The following GGACT variants were observed in gnomAD, a reference collection of about 807,000 sequenced individuals.
The protein encoded by GGACT is gamma-glutamylaminecyclotransferase.
For synonymous variants in GGACT, 118 were observed against 115.3 expected, an observed-to-expected ratio of 1.02 and a Z score of -0.15; for missense variants, 241 against 233.2, an observed-to-expected ratio of 1.03 and a Z score of -0.22.
In GGACT at chr13:100,531,010, G is replaced by T. The variant is rs1459221429; in HGVS notation, c.*1120C>A. On this transcript the variant is annotated 3_prime_UTR_variant, in exon 3 of 3. Transcript: ENST00000683975. ...AGCTAAAAATAATGATCATGTTTTT[G>T]TGCCAGATGCAGTTAGCGATCACAG... is the stretch of plus-strand genomic sequence containing the variant. 3 of 152,336 alleles carry T rather than the reference G, an allele frequency of 2.0e-5. No homozygotes were observed. In the East Asian group the frequency reaches 5.8e-4, roughly 29 times the overall value. 9.4% of individuals were successfully genotyped at this position (152,336 alleles called of 1,614,324 possible). A position where few individuals can be genotyped will look rare whatever the true frequency, so the allele number is the denominator to read the frequency against.
intron 2 of GGACT, among the ~76,000 whole-genome samples, chr13:100,575,048 G>A (rs572844993): frequency 6.6e-6 from 1 of 152,244 alleles, no homozygotes; most frequent in South Asian, 2.1e-4. Flanking sequence ...TATTAGAAAG[G>A]AAGGTCTGCC....
intron 2 of GGACT, chr13:100,535,670 CA>C (rs1006456126): frequency 1.3e-5 from 2 of 152,232 alleles, no homozygotes; most frequent in African/African-American, 4.8e-5. Flanking sequence ...GGGTCAGACC[CA>C]GATCTATTTC....
chr13:100,539,320 G>C (rs1439424101), intron 2 of GGACT: 2 of 152,388 alleles, frequency 1.3e-5, no homozygotes, highest in Non-Finnish European at 2.9e-5. Context: ...TGGCATCACT[G>C]AGTATCATGT....
At chr13:100,578,065 C>G (rs372207933) in intron 2 of GGACT, among the ~76,000 whole-genome samples, 1 of 152,134 alleles carries the variant, frequency 6.6e-6, no homozygotes, top group African/African-American at 2.4e-5. Flanking sequence ...TCTAAGAGAG[C>G]CCTGATCACA....
At chr13:100,563,007 T>G (rs139158629) in intron 2 of GGACT, among the ~76,000 whole-genome samples, 17 of 152,068 alleles carry the variant, frequency 1.1e-4, no homozygotes, top group African/African-American at 3.9e-4. Flanking sequence ...CAATCTTACT[T>G]ATATAAATCA....
In GGACT at chr13:100,545,930, G is replaced by T. The variant is rs1163175193; in HGVS notation, c.-10-13329C>A. On this transcript the variant is annotated intron_variant, in intron 2 of 2. Transcript: ENST00000683975. This position sits in a 1 kb window ranked among gnomAD's most constrained non-coding sequence, Gnocchi z 4.4. ...ACATACTCGGAAAATGACACAGAAA[G>T]CCAGGGCAACCTGCTGGGCCACCCA... 1.3e-5 allele frequency among the ~76,000 whole-genome samples: 2 copies of T among 152,328 alleles called. No individual in the cohort carries two copies. Among genetic ancestry groups the T allele is most frequent in the East Asian group, 1.9e-4 (1 of 5,174 alleles).
At position 100,559,258 on chromosome 13, in the gene GGACT, G is replaced by C. The variant is rs113005155; in HGVS notation, c.-11+24567C>G. ...GCTGGAGTGCAATGACACAATCTTG[G>C]CTCACTGCAACCTCCGCCTCCCTGG... On this transcript the variant is annotated intron_variant, in intron 2 of 2. Transcript: ENST00000683975. Among the ~76,000 whole-genome samples the C allele has an allele frequency of 5.1e-4, 77 of 152,290 alleles. 1 individual carries two copies. The highest frequency in any genetic ancestry group is 1.8e-3 in the African/African-American group (74 of 41,548).
At chr13:100,540,082 G>A (rs964275591) in intron 2 of GGACT, 7 of 1,462,118 alleles carry the variant, frequency 4.8e-6, no homozygotes, top group Admixed American at 3.3e-5. Context: ...GAAGACGCTC[G>A]CTTCAGAAAT....
intron 2 of GGACT, among the ~76,000 whole-genome samples, chr13:100,573,181 G>T (rs1189910930): frequency 6.6e-6 from 1 of 152,076 alleles, no homozygotes; most frequent in Admixed American, 6.6e-5. Flanking sequence ...ACTGGACTTA[G>T]CTCTCCACAA....
In GGACT at chr13:100,534,232, A is replaced by G. The variant is rs73566667; in HGVS notation, c.-10-1631T>C. ...ACAGTATTCCCCAGATTTCAGGCAC[A>G]TTGCACTAGGAAAGGTGTGGCCGTG... On this transcript the variant is annotated intron_variant, in intron 2 of 2. Transcript: ENST00000683975. This position sits in a 1 kb window ranked among gnomAD's most constrained non-coding sequence, Gnocchi z 4.9. Among the ~76,000 whole-genome samples, 2,692 of 152,270 alleles carry G rather than the reference A, an allele frequency of 0.018. 72 individuals carry two copies. The highest frequency in any genetic ancestry group is 0.062 in the African/African-American group (2,585 of 41,540).
intron 2 of GGACT, among the ~76,000 whole-genome samples, chr13:100,567,868 T>C (rs1369799509): frequency 1.3e-5 from 2 of 152,238 alleles, no homozygotes; most frequent in Non-Finnish European, 2.9e-5. Context: ...CAGTTATGTA[T>C]CTGACTGATC....
chr13:100,551,027 G>A (rs1184115720), intron 2 of GGACT, among the ~76,000 whole-genome samples: 1 of 152,194 alleles, frequency 6.6e-6, no homozygotes, highest in Non-Finnish European at 1.5e-5. Context: ...GCTCATGCCT[G>A]TAATTCCAGC....
intron 2 of GGACT, among the ~76,000 whole-genome samples, chr13:100,546,764 C>T (rs1291701255): frequency 2.0e-5 from 3 of 152,208 alleles, no homozygotes; most frequent in Non-Finnish European, 4.4e-5. Flanking sequence ...GGCTGAGCTG[C>T]GAGTCAGCAG....
chr13:100,568,287 G>A (rs939708214), intron 2 of GGACT, among the ~76,000 whole-genome samples: 2 of 152,228 alleles, frequency 1.3e-5, no homozygotes, highest in African/African-American at 4.8e-5. Flanking sequence ...CCAAGACTGG[G>A]TAATTTATAA....
At chr13:100,585,747 G>A (rs4772312) in intron 1 of GGACT, among the ~76,000 whole-genome samples, 27,771 of 140,206 alleles carry the variant, frequency 0.2, 3,214 homozygotes, top group Non-Finnish European at 0.27. Context: ...CAGCCTGGGT[G>A]ACAAGAGTGA....
At position 100,530,205 on chromosome 13, in the gene GGACT, G is replaced by T. The variant is rs1330491041; in HGVS notation, c.*1925C>A. The T allele has an allele frequency of 6.7e-7, 1 of 1,489,988 alleles. No individual in the cohort carries two copies. Among genetic ancestry groups the T allele is most frequent in the Non-Finnish European group, 9.4e-7 (1 of 1,067,130 alleles). The allele number at this position is 1,489,988 out of a possible 1,614,324, so 92.3% of individuals were successfully genotyped here. ...TTTCAGTCATCACCCAATTTAATTA[G>T]CCATTTGCATGATGCTTTCACACAC... On this transcript the variant is annotated 3_prime_UTR_variant, in exon 3 of 3. Coordinates refer to ENST00000683975, the MANE Select transcript of GGACT (RefSeq NM_001195087.2).
chr13:100,585,666 G>T (rs957865540), intron 1 of GGACT, among the ~76,000 whole-genome samples: 1 of 151,796 alleles, frequency 6.6e-6, no homozygotes, highest in Non-Finnish European at 1.5e-5. Context: ...TACTTGGGAG[G>T]CTGAGGCATG....
At chr13:100,540,770 C>T (rs1341989026) in intron 2 of GGACT, among the ~76,000 whole-genome samples, 1 of 152,358 alleles carries the variant, frequency 6.6e-6, no homozygotes, top group South Asian at 2.1e-4. Flanking sequence ...TCACAACCAA[C>T]AGGACACATG....
intron 2 of GGACT, among the ~76,000 whole-genome samples, chr13:100,568,500 T>C (rs1874981036): frequency 3.3e-5 from 5 of 152,322 alleles, no homozygotes; most frequent in Admixed American, 3.3e-4. Flanking sequence ...GAGAACAGGA[T>C]AGGAGAAACC....
Sources: allele counts gnomAD v4.1 joint callset (sites outside exome capture counted in the v4.1 genomes callset), GRCh38; gene constraint gnomAD v4.1.1; non-coding constraint Gnocchi (gnomAD v3.1); transcripts MANE v1.5; gene names NCBI Gene and HGNC (gene_info 2026-07-23, HGNC 2026-07-21).